FAM83E: variants seen among roughly 807,000 people sequenced by gnomAD.
The protein encoded by FAM83E is protein FAM83E.
In FAM83E, 29 loss-of-function variants were observed where a neutral mutation model predicts 34.3. The observed-to-expected ratio is 0.85, with a 90% CI of 0.63 to 1.15. The LOEUF is 1.15. Ranked by LOEUF, FAM83E falls within the 50% of genes most tolerant of loss-of-function variation. FAM83E has a pLI of 0.00. For missense variants in FAM83E, 697 were observed against 685.0 expected, an observed-to-expected ratio of 1.02 and a Z score of -0.20; for synonymous variants, 312 against 311.6, an observed-to-expected ratio of 1.00 and a Z score of -0.01.
chr19:48,611,522 CA>C (rs1974041897), intron 3 of FAM83E, among the ~76,000 whole-genome samples: 1 of 151,038 alleles, frequency 6.6e-6, no homozygotes, highest in Non-Finnish European at 1.5e-5. Context: ...GGCTGGAGTG[CA>C]GTGGCGCAAT....
At chr19:48,606,885 A>G in intron 5 of FAM83E, 6 of 1,466,952 alleles carry the variant, frequency 4.1e-6, no homozygotes, top group South Asian at 3.9e-5. Context: ...TCCCGTGGGC[A>G]AGAGGAGTCC....
At chr19:48,610,883 G>T (rs765782811) in intron 3 of FAM83E, 36 bp from the exon 4 acceptor site, 1 of 1,564,836 alleles carries the variant, frequency 6.4e-7, no homozygotes, top group Middle Eastern at 1.7e-4. Flanking sequence ...GCTTGTGAAC[G>T]GAAGCTGGCT....
chr19:48,610,655 C>T, intron 4 of FAM83E, 25 bp downstream of exon 4: 2 of 1,549,564 alleles, frequency 1.3e-6, no homozygotes, highest in Middle Eastern at 1.8e-4. Context: ...TGGGGACTCA[C>T]AGGACCCCCT....
chr19:48,602,704 AATATATATATATAT>A lies in FAM83E; in HGVS notation c.1176+776_1176+789del, dbSNP rs71294394. On this transcript the variant is annotated intron_variant, in intron 6 of 6. Transcript: ENST00000263266. ...CCTATCTCAAAAAAAAAAAAAAAAA[AATATATATATATAT>A]ATATATATATATATATATATATATA... 3.3e-4 allele frequency among the ~76,000 whole-genome samples: 9 copies of A among 27,498 alleles called. 3 individuals are homozygous for A. The East Asian group carries it at 4.3e-3, about 13-fold the overall frequency. 18.0% of individuals were successfully genotyped at this position (27,498 alleles called of 152,430 possible).
At chr19:48,601,965 G>A (rs1437728299) in intron 6 of FAM83E, among the ~76,000 whole-genome samples, 1 of 151,008 alleles carries the variant, frequency 6.6e-6, no homozygotes, top group Non-Finnish European at 1.5e-5. Flanking sequence ...AACACAGTGA[G>A]ACCTCATCTC....
rs1973792202 is a variant in FAM83E, at chr19:48,600,542, C to T, written c.*567G>A. Among the ~76,000 whole-genome samples, 1 of 151,994 alleles carries T rather than the reference C, an allele frequency of 6.6e-6. No homozygotes were observed. The highest frequency in any genetic ancestry group is 1.5e-5 in the Non-Finnish European group (1 of 68,014). On this transcript the variant is annotated 3_prime_UTR_variant, in exon 7 of 7. Transcript: ENST00000263266. ...AGAGATGGGGTTTCACCATGTTGGT[C>T]AGGTTGGTCTTGAACTCCTGACCTC...
Position 48,614,761 on chromosome 19 carries a change from CGA to C in FAM83E, c.-1311_-1310del. 3.0e-6 allele frequency: 3 copies of C among 985,542 alleles called. No individual in the cohort carries two copies. The highest frequency in any genetic ancestry group is 3.6e-6 in the Non-Finnish European group (3 of 830,034). The allele number at this position is 985,542 out of a possible 1,614,324, so 61.0% of individuals were successfully genotyped here. The stretch of plus-strand genomic sequence containing the variant: ...CCTCCCTTCCAGTGCCTGCTTTTTC[CGA>C]GAACGTAGGCTGTGGCTCCCCGGCT... On this transcript the variant is annotated 5_prime_UTR_variant, in exon 2 of 7. Coordinates refer to ENST00000263266, the MANE Select transcript of FAM83E (RefSeq NM_017708.4).
chr19:48,603,843 G>T lies in FAM83E; in HGVS notation c.827C>A (p.Ala276Asp). ...CAGCGTCCGGAACTCAAGGCTGAAGGCGTCAACAATTTCACCAGTCAGCAG... is the reference window on the plus strand; with the variant it reads ...CAGCGTCCGGAACTCAAGGCTGAAGTCGTCAACAATTTCACCAGTCAGCAG... ...VTLLTGEIVDAFSLEFRTLYA... is the reference protein window; with the variant it reads ...VTLLTGEIVDDFSLEFRTLYA... The change falls in exon 6 of 7, where the codon GCC becomes GAC. Residue 276 changes from alanine (A) to aspartate (D), a missense_variant. Physicochemically the swap from Ala to Asp is moderately radical, Grantham distance 126. Transcript: ENST00000263266. 1 of 1,609,612 alleles carries T rather than the reference G, an allele frequency of 6.2e-7. No individual in the cohort carries two copies. Among genetic ancestry groups the T allele is most frequent in the Non-Finnish European group, 8.5e-7 (1 of 1,178,006 alleles).
Position 48,613,571 on chromosome 19 carries a change from G to A in FAM83E, c.-199C>T, listed in dbSNP as rs187696042. On this transcript the variant is annotated 5_prime_UTR_variant, in exon 3 of 7. It introduces an in-frame stop codon into an upstream open reading frame of the 5' UTR. Coordinates refer to ENST00000263266, the MANE Select transcript of FAM83E (RefSeq NM_017708.4). Reference sequence around the variant, plus strand: ...GCCACACTGTTCTGACAATCACGCTGCCCAAATAAGCGACCATCCAATGTG... The same window carrying A: ...GCCACACTGTTCTGACAATCACGCTACCCAAATAAGCGACCATCCAATGTG... The A allele has an allele frequency of 1.3e-5, 18 of 1,403,954 alleles. No individual in the cohort carries two copies. The East Asian group carries it at 3.9e-4, about 30-fold the overall frequency. The allele number at this position is 1,403,954 out of a possible 1,614,324, so 87.0% of individuals were successfully genotyped here.
In FAM83E at chr19:48,614,159, T is replaced by C. The variant is rs752472819; in HGVS notation, c.-787A>G. 1.1e-4 allele frequency: 113 copies of C among 985,666 alleles called. No homozygotes were observed. The highest frequency in any genetic ancestry group is 5.2e-4 in the South Asian group (11 of 21,302). 61.1% of individuals were successfully genotyped at this position (985,666 alleles called of 1,614,324 possible). A position where few individuals can be genotyped will look rare whatever the true frequency, so the allele number is the denominator to read the frequency against. On this transcript the variant is annotated 5_prime_UTR_variant, in exon 3 of 7. Transcript: ENST00000263266. The stretch of plus-strand genomic sequence containing the variant: ...GGCAAACCCTTCCCTACCCTGTCAA[T>C]GGGGGACCCTGCTCCCTGGACCCTC...
At chr19:48,609,845 C>T (rs201902170) in intron 5 of FAM83E, 31 bp downstream of exon 5, 51 of 1,528,432 alleles carry the variant, frequency 3.3e-5, no homozygotes, top group African/African-American at 5.5e-5. Flanking sequence ...TATAGGACGC[C>T]GGGAGGTGGG....
chr19:48,609,821 G>A, intron 5 of FAM83E, 55 bp downstream of exon 5: 1 of 1,582,348 alleles, frequency 6.3e-7, no homozygotes, highest in East Asian at 2.2e-5. Flanking sequence ...TGAGCACACT[G>A]AGGGAAAGTG....
At chr19:48,601,987 C>T (rs1973824434) in intron 6 of FAM83E, among the ~76,000 whole-genome samples, 2 of 150,956 alleles carry the variant, frequency 1.3e-5, no homozygotes, top group Non-Finnish European at 3.0e-5. Flanking sequence ...CCAAAAAATA[C>T]AAAAATTAGC....
At chr19:48,610,205 C>A (rs1399628011) in intron 4 of FAM83E, among the ~76,000 whole-genome samples, 1 of 152,018 alleles carries the variant, frequency 6.6e-6, no homozygotes, top group East Asian at 1.9e-4. Context: ...TCGAGACCAG[C>A]CTGGCCAACA....
chr19:48,605,559 A>G (rs1973912792), intron 5 of FAM83E, among the ~76,000 whole-genome samples: 1 of 148,022 alleles, frequency 6.8e-6, no homozygotes, highest in Non-Finnish European at 1.5e-5. Context: ...TAGGCAACAG[A>G]GCAAGATCCT....
intron 5 of FAM83E, chr19:48,607,654 T>C: frequency 2.4e-6 from 1 of 409,346 alleles, no homozygotes; most frequent in African/African-American, 2.0e-5. Context: ...CACTTTAGAG[T>C]CCATGAAATA....
chr19:48,605,019 CA>C (rs72014229), intron 5 of FAM83E, among the ~76,000 whole-genome samples: 800 of 75,636 alleles, frequency 0.011, 5 homozygotes, highest in Admixed American at 0.034. Flanking sequence ...GACTCTGACT[CA>C]AAAAAAAAAA....
In FAM83E at chr19:48,613,731, G is replaced by A. The variant is rs1601134795; in HGVS notation, c.-359C>T. On this transcript the variant is annotated 5_prime_UTR_variant, in exon 3 of 7. Coordinates refer to ENST00000263266, the MANE Select transcript of FAM83E (RefSeq NM_017708.4). ...CCATCCCCAACTGTGTGACCCATCAGCTGGCCATCTCTGCTCAGCCACACG... is the reference window on the plus strand; with the variant it reads ...CCATCCCCAACTGTGTGACCCATCAACTGGCCATCTCTGCTCAGCCACACG... The A allele has an allele frequency of 1.0e-6, 1 of 985,384 alleles. No homozygotes were observed. Among genetic ancestry groups the A allele is most frequent in the East Asian group, 1.1e-4 (1 of 8,810 alleles). The allele number at this position is 985,384 out of a possible 1,614,324, so 61.0% of individuals were successfully genotyped here.
At chr19:48,607,517 G>A (rs1973957257) in intron 5 of FAM83E, 2 of 941,990 alleles carry the variant, frequency 2.1e-6, no homozygotes, top group East Asian at 2.6e-5. Context: ...GCTAGGGGAA[G>A]CATCCCCAGG....
Sources: gnomAD v4.1 joint callset for allele counts (sites outside exome capture counted in the v4.1 genomes callset) on GRCh38, gnomAD v4.1.1 for gene constraint, MANE v1.5 for transcripts, NCBI Gene and HGNC (gene_info 2026-07-23, HGNC 2026-07-21) for gene names.